Variants in WDR7 observed in about 807,000 individuals in gnomAD.
WDR7 encodes WD repeat-containing protein 7.
Under a neutral mutation model 169.4 loss-of-function variants are expected in WDR7, and 46 were observed. That is an observed-to-expected ratio of 0.27 (90% CI 0.21 to 0.35). The LOEUF is 0.35. WDR7 is among the 10% of genes least tolerant of loss of function. The pLI is 1.00. For missense variants in WDR7, 1,534 were observed against 1,859.3 expected, an observed-to-expected ratio of 0.83 and a Z score of 3.22; for synonymous variants, 612 against 666.8, an observed-to-expected ratio of 0.92 and a Z score of 1.27.
chr18:56,846,937 T>C (rs1370229605), intron 20 of WDR7, among the ~76,000 whole-genome samples: 1 of 152,204 alleles, frequency 6.6e-6, no homozygotes, highest in African/African-American at 2.4e-5. Context: ...CATAGAAAAT[T>C]GGTACTGAGG....
intron 21 of WDR7, among the ~76,000 whole-genome samples, chr18:56,883,230 A>AAAG (rs1568247087): frequency 6.7e-6 from 1 of 148,342 alleles, no homozygotes; most frequent in Non-Finnish European, 1.5e-5. Context: ...AAAAAAAAAA[A>AAAG]GCAGGAAGGT....
chr18:56,895,425 C>G (rs1468736110), intron 21 of WDR7, among the ~76,000 whole-genome samples: 4 of 151,508 alleles, frequency 2.6e-5, no homozygotes, highest in African/African-American at 9.7e-5. Context: ...TTCAACTTAC[C>G]CAATTACCAA....
intron 5 of WDR7, among the ~76,000 whole-genome samples, chr18:56,684,670 T>A (rs1353908487): frequency 6.6e-6 from 1 of 152,174 alleles, no homozygotes; most frequent in Non-Finnish European, 1.5e-5. Context: ...GAATAGTGGA[T>A]GCACTGGCTT....
intron 14 of WDR7, among the ~76,000 whole-genome samples, chr18:56,755,833 G>A (rs2043876997): frequency 6.6e-6 from 1 of 152,142 alleles, no homozygotes; most frequent in Non-Finnish European, 1.5e-5. Flanking sequence ...TACCCTCCAG[G>A]ATGCTGGAGA....
intron 1 of WDR7, among the ~76,000 whole-genome samples, chr18:56,669,290 T>C (rs987657520): frequency 1.8e-4 from 27 of 152,140 alleles, no homozygotes; most frequent in African/African-American, 6.0e-4. Context: ...GCCTGTTTCC[T>C]TATGATTTGT....
intron 21 of WDR7, among the ~76,000 whole-genome samples, chr18:56,899,753 C>A (rs998592131): frequency 1.3e-5 from 2 of 151,908 alleles, no homozygotes; most frequent in Non-Finnish European, 2.9e-5. Context: ...TGAAACTAAT[C>A]TTGACTATAT....
chr18:56,833,819 G>A (rs767308496), intron 20 of WDR7, among the ~76,000 whole-genome samples: 6 of 152,054 alleles, frequency 3.9e-5, no homozygotes, highest in South Asian at 2.1e-4. Context: ...AAAGGTTACC[G>A]AACTTTTGCT....
At chr18:57,010,333 ATTC>A (rs1568312232) in intron 26 of WDR7, 1 of 972,068 alleles carries the variant, frequency 1.0e-6, no homozygotes, top group East Asian at 1.1e-4. Flanking sequence ...TTTATTCACT[ATTC>A]TTTTATTTAA....
intron 20 of WDR7, among the ~76,000 whole-genome samples, chr18:56,854,566 T>A (rs2045690159): frequency 6.6e-6 from 1 of 152,200 alleles, no homozygotes; most frequent in African/African-American, 2.4e-5. Flanking sequence ...ATCCATGTAT[T>A]AATGTGATTG....
chr18:56,755,992 T>C (rs1464632259), intron 14 of WDR7, among the ~76,000 whole-genome samples: 1 of 152,224 alleles, frequency 6.6e-6, no homozygotes, highest in Non-Finnish European at 1.5e-5. Flanking sequence ...CTACTTTCAG[T>C]AAATTTTGCT....
At chr18:56,715,792 G>A (rs946597568) in intron 12 of WDR7, among the ~76,000 whole-genome samples, 8 of 152,118 alleles carry the variant, frequency 5.3e-5, no homozygotes, top group South Asian at 2.1e-4. Flanking sequence ...AATTATACCC[G>A]TAGAAAAAGA....
At chr18:56,727,805 C>T (rs2026493584) in intron 13 of WDR7, among the ~76,000 whole-genome samples, 1 of 152,172 alleles carries the variant, frequency 6.6e-6, no homozygotes, top group Admixed American at 6.5e-5. Flanking sequence ...TTGGGGTATA[C>T]ATTTCTCTCC....
At chr18:56,951,158 T>C (rs1397955495) in intron 25 of WDR7, among the ~76,000 whole-genome samples, 1 of 152,164 alleles carries the variant, frequency 6.6e-6, no homozygotes, top group Non-Finnish European at 1.5e-5. Flanking sequence ...GCCATCACTC[T>C]CACATTATTA....
chr18:56,782,576 T>TA (rs36037195), intron 19 of WDR7, among the ~76,000 whole-genome samples: 2 of 151,938 alleles, frequency 1.3e-5, no homozygotes, highest in Non-Finnish European at 2.9e-5. Context: ...AGTGAAACTT[T>TA]AAAAAAAACT....
chr18:57,009,999 T>G (rs1177053727), intron 26 of WDR7: 1 of 985,320 alleles, frequency 1.0e-6, no homozygotes, highest in African/African-American at 1.7e-5. Context: ...GGAATGTGAT[T>G]GCTGTCCAGT....
At chr18:57,017,708 G>A (rs1317398508) in intron 26 of WDR7, among the ~76,000 whole-genome samples, 1 of 152,192 alleles carries the variant, frequency 6.6e-6, no homozygotes, top group African/African-American at 2.4e-5. Context: ...GAGTTTCCTG[G>A]CAGTAAAGCA....
At chr18:56,823,133 G>A (rs1036246784) in intron 20 of WDR7, among the ~76,000 whole-genome samples, 2 of 152,082 alleles carry the variant, frequency 1.3e-5, no homozygotes, top group African/African-American at 4.8e-5. Flanking sequence ...TTCTCTCTGG[G>A]TGATTTACTT....
At chr18:56,695,587 G>C (rs1037648169) in intron 11 of WDR7, among the ~76,000 whole-genome samples, 4 of 149,264 alleles carry the variant, frequency 2.7e-5, no homozygotes, top group Non-Finnish European at 4.4e-5. Context: ...GCTCAGACTA[G>C]AGTGCAGTGG....
At chr18:56,781,467 G>C in intron 18 of WDR7, 66 bp from the exon 19 acceptor site, 3 of 1,385,156 alleles carry the variant, frequency 2.2e-6, no homozygotes, top group Non-Finnish European at 2.8e-6. Context: ...AAATTTTCTA[G>C]TTTATGAATA....
Sources: allele counts gnomAD v4.1 joint callset (sites outside exome capture counted in the v4.1 genomes callset), GRCh38; gene constraint gnomAD v4.1.1; transcripts MANE v1.5; gene names NCBI Gene and HGNC (gene_info 2026-07-23, HGNC 2026-07-21).